SLC8A1: variants seen among roughly 807,000 people sequenced by gnomAD.
The protein encoded by SLC8A1 is sodium/calcium exchanger 1.
Under a neutral mutation model 68.3 loss-of-function variants are expected in SLC8A1, and 18 were observed. That is an observed-to-expected ratio of 0.26 (90% CI 0.18 to 0.39). The LOEUF (loss-of-function observed/expected upper bound fraction) is 0.39. Ranked by LOEUF, SLC8A1 falls within the 10% of genes least tolerant of loss-of-function variation. SLC8A1 has a pLI of 1.00. For synonymous variants in SLC8A1, 475 were observed against 415.5 expected (o/e 1.14, Z -1.74); for missense variants, 985 against 1,156.7 (o/e 0.85, Z 2.15).
At chr2:40,393,856 A>T (rs1686055854) in intron 2 of SLC8A1, among the ~76,000 whole-genome samples, 1 of 152,156 alleles carries the variant, frequency 6.6e-6, no homozygotes. Context: ...AAAATATTAT[A>T]AAGTTCAGCT....
chr2:40,388,008 A>T (rs979760735), intron 2 of SLC8A1, among the ~76,000 whole-genome samples: 1 of 151,956 alleles, frequency 6.6e-6, no homozygotes, highest in Non-Finnish European at 1.5e-5. Context: ...CATACCAGTT[A>T]ATCAATTTAG....
intron 2 of SLC8A1, among the ~76,000 whole-genome samples, chr2:40,398,624 T>G (rs1196238480): frequency 6.6e-6 from 1 of 152,254 alleles, no homozygotes; most frequent in Non-Finnish European, 1.5e-5. Context: ...TCAATATGAT[T>G]TTTAAAAGTC....
At chr2:40,402,696 T>G (rs1375284774) in intron 2 of SLC8A1, among the ~76,000 whole-genome samples, 1 of 152,180 alleles carries the variant, frequency 6.6e-6, no homozygotes, top group Non-Finnish European at 1.5e-5. Flanking sequence ...TCTTTTCCAG[T>G]GCAAAAGAAA....
At chr2:40,360,286 C>T (rs951100042) in intron 2 of SLC8A1, among the ~76,000 whole-genome samples, 1 of 152,256 alleles carries the variant, frequency 6.6e-6, no homozygotes, top group Admixed American at 6.5e-5. Context: ...GAGCCAAGTG[C>T]CAACCTTGCT....
At chr2:40,390,947 C>T (rs1470889256) in intron 2 of SLC8A1, among the ~76,000 whole-genome samples, 2 of 151,990 alleles carry the variant, frequency 1.3e-5, no homozygotes, top group Admixed American at 1.3e-4. Context: ...TGGGAGCTAC[C>T]GCATGGCTCT....
At chr2:40,431,926 G>A (rs1392830085) in intron 1 of SLC8A1, among the ~76,000 whole-genome samples, 1 of 152,092 alleles carries the variant, frequency 6.6e-6, no homozygotes, top group Non-Finnish European at 1.5e-5. Flanking sequence ...ATCACTACAG[G>A]GAGATAAGCT....
At chr2:40,456,902 A>G (rs990680625), upstream of SLC8A1, among the ~76,000 whole-genome samples, 1 of 152,230 alleles carries the variant, frequency 6.6e-6, no homozygotes, top group Non-Finnish European at 1.5e-5. Flanking sequence ...TTCTACATCA[A>G]GAGAGTACTT....
At chr2:40,421,080 C>A (rs765439148) in intron 2 of SLC8A1, among the ~76,000 whole-genome samples, 6 of 152,056 alleles carry the variant, frequency 3.9e-5, no homozygotes, top group Non-Finnish European at 7.4e-5. Context: ...ACCACCACCA[C>A]CACCAACACC....
rs377400856 is a variant in SLC8A1, at chr2:40,360,085, A to C, written c.1808+68388T>G. Among the ~76,000 whole-genome samples the C allele has an allele frequency of 6.6e-5, 10 of 152,206 alleles. No homozygotes were observed. In the East Asian group the frequency reaches 7.7e-4, roughly 12 times the overall value. ...GTGTTTAATTTATTTAATCATCCCA[A>C]AAACCTTACAAGGTCATGTTACTAT... On this transcript the variant is annotated intron_variant, in intron 2 of 7. Coordinates refer to ENST00000406785, the Ensembl canonical transcript of SLC8A1.
intron 2 of SLC8A1, among the ~76,000 whole-genome samples, chr2:40,218,446 T>G (rs954991627): frequency 1.3e-5 from 2 of 152,232 alleles, no homozygotes; most frequent in Non-Finnish European, 2.9e-5. Context: ...ACATATTTGA[T>G]TGGTACAAAA....
intron 2 of SLC8A1, among the ~76,000 whole-genome samples, chr2:40,374,924 C>T (rs896488889): frequency 1.3e-5 from 2 of 151,992 alleles, no homozygotes; most frequent in African/African-American, 4.8e-5. Flanking sequence ...AAAAGGAGCC[C>T]CTTATATTTT....
intron 2 of SLC8A1, among the ~76,000 whole-genome samples, chr2:40,414,053 G>A (rs974654030): frequency 6.6e-6 from 1 of 152,046 alleles, no homozygotes; most frequent in Non-Finnish European, 1.5e-5. Context: ...CACCATAATG[G>A]CATGAACAAT....
chr2:40,471,288 G>T (rs945496507), intron 1 of SLC8A1, among the ~76,000 whole-genome samples: 1 of 152,068 alleles, frequency 6.6e-6, no homozygotes, highest in African/African-American at 2.4e-5. Context: ...TGCAGTGTCC[G>T]TTCTTTACCT....
intron 7 of SLC8A1, among the ~76,000 whole-genome samples, chr2:40,137,512 G>C (rs1409164295): frequency 1.3e-5 from 2 of 152,112 alleles, no homozygotes; most frequent in Non-Finnish European, 2.9e-5. Context: ...TTAAACCATA[G>C]GAAAAGTGGA....
chr2:40,288,384 GA>G (rs2068676521), intron 2 of SLC8A1, among the ~76,000 whole-genome samples: 1 of 152,294 alleles, frequency 6.6e-6, no homozygotes, highest in East Asian at 1.9e-4. Context: ...AAGGAAAAGA[GA>G]AATGGCAGGA....
chr2:40,198,587 T>C (rs2053538751), intron 2 of SLC8A1, among the ~76,000 whole-genome samples: 2 of 151,954 alleles, frequency 1.3e-5, no homozygotes, highest in African/African-American at 2.4e-5. Context: ...AAATACAGAA[T>C]GAAACCTGCA....
intron 2 of SLC8A1, among the ~76,000 whole-genome samples, chr2:40,357,025 T>A (rs1221535667): frequency 6.6e-6 from 1 of 152,164 alleles, no homozygotes; most frequent in Non-Finnish European, 1.5e-5. Context: ...GCTCTCAGTC[T>A]GCCAGTTACA....
At chr2:40,379,936 C>A (rs1424674593) in intron 2 of SLC8A1, among the ~76,000 whole-genome samples, 1 of 152,046 alleles carries the variant, frequency 6.6e-6, no homozygotes, top group South Asian at 2.1e-4. Context: ...TAGGAAAGAG[C>A]TCTAGTAGGT....
At chr2:40,215,446 G>C (rs1302301372) in intron 2 of SLC8A1, among the ~76,000 whole-genome samples, 2 of 151,828 alleles carry the variant, frequency 1.3e-5, no homozygotes, top group Non-Finnish European at 2.9e-5. Context: ...GACCATCCTG[G>C]CTAACAAGGT....
Sources: allele counts gnomAD v4.1 joint callset (sites outside exome capture counted in the v4.1 genomes callset), GRCh38; gene constraint gnomAD v4.1.1; transcripts MANE v1.5; gene names NCBI Gene and HGNC (gene_info 2026-07-23, HGNC 2026-07-21).